The following PLPP1 variants were observed in gnomAD, a reference collection of about 807,000 sequenced individuals.
PLPP1 encodes the protein lipid phosphate phosphohydrolase 1a.
PLPP1 carries 24 observed loss-of-function variants against 31.2 expected under a neutral mutation model. The observed-to-expected ratio is 0.77, with a 90% CI of 0.56 to 1.08. The LOEUF (loss-of-function observed/expected upper bound fraction) is 1.08, where lower values mean the gene tolerates loss of function less well. PLPP1 is among the 50% of genes least tolerant of loss of function. The probability of loss-of-function intolerance (pLI) is 0.00; values close to 1 mark genes in which losing one functional copy is unlikely to be tolerated. For missense variants in PLPP1, 319 were observed against 342.7 expected (o/e 0.93, Z 0.55); for synonymous variants, 146 against 126.3 (o/e 1.16, Z -1.05).
intron 1 of PLPP1, among the ~76,000 whole-genome samples, chr5:55,527,464 A>G (rs1383625643): frequency 6.6e-6 from 1 of 152,218 alleles, no homozygotes; most frequent in East Asian, 1.9e-4. Flanking sequence ...CCCTCCCAAG[A>G]AAGCCAAGAT....
At chr5:55,482,165 C>T (rs1438007912) in intron 1 of PLPP1, among the ~76,000 whole-genome samples, 1 of 148,174 alleles carries the variant, frequency 6.7e-6, no homozygotes, top group Admixed American at 6.8e-5. Context: ...ATACATATCT[C>T]ATACATATAT....
At chr5:55,530,431 G>T in intron 1 of PLPP1, 1 of 1,258,824 alleles carries the variant, frequency 7.9e-7, no homozygotes, top group Non-Finnish European at 1.2e-6. Context: ...TTATAAGTAG[G>T]ATGACCAGAA....
intron 4 of PLPP1, among the ~76,000 whole-genome samples, chr5:55,427,574 G>C (rs1184608875): frequency 6.6e-6 from 1 of 152,102 alleles, no homozygotes; most frequent in Non-Finnish European, 1.5e-5. Context: ...TCAGAGCTAG[G>C]ACTCCAAGGT....
chr5:55,468,130 A>G lies in PLPP1; in HGVS notation c.230T>C (p.Leu77Pro), dbSNP rs1752344235. 1 of 1,599,468 alleles carries G rather than the reference A, an allele frequency of 6.3e-7. No homozygotes were observed. The highest frequency in any genetic ancestry group is 8.5e-7 in the Non-Finnish European group (1 of 1,171,824). ...SIIVIILGET[L>P]SVYCNLLHSN... ...GTGCAAAAGGTTACAGTAAACAGAC[A>G]GGGTTTCTCCAAGAATAATCTGAAA... is the stretch of plus-strand genomic sequence containing the variant. The change falls in exon 3 of 6, where the codon CTG becomes CCG. Residue 77 changes from leucine to proline, a missense_variant. Coordinates refer to ENST00000307259, the MANE Select transcript of PLPP1 (RefSeq NM_003711.4).
intron 2 of PLPP1, among the ~76,000 whole-genome samples, chr5:55,474,006 T>G (rs201428308): frequency 2.5e-5 from 2 of 78,972 alleles, no homozygotes; most frequent in East Asian, 3.1e-4. Context: ...TGTTTTTTTT[T>G]TTTTTTTCCA....
At chr5:55,468,447 C>T (rs939489641) in intron 2 of PLPP1, among the ~76,000 whole-genome samples, 2 of 151,432 alleles carry the variant, frequency 1.3e-5, no homozygotes, top group Non-Finnish European at 2.9e-5. Flanking sequence ...TTCAAATAAA[C>T]AGAGCTTTAA....
chr5:55,449,789 A>G (rs1411449144), intron 3 of PLPP1, among the ~76,000 whole-genome samples: 2 of 152,176 alleles, frequency 1.3e-5, no homozygotes, highest in Admixed American at 6.6e-5. Flanking sequence ...AATGCAGCTA[A>G]TAAATATACT....
chr5:55,534,676 G>T lies in PLPP1; in HGVS notation c.-47C>A. 6.6e-7 allele frequency: 1 copy of T among 1,507,898 alleles called. No homozygotes were observed. Among genetic ancestry groups the T allele is most frequent in the East Asian group, 2.8e-5 (1 of 36,158 alleles). The allele number at this position is 1,507,898 out of a possible 1,614,324, so 93.4% of individuals were successfully genotyped here. A position where few individuals can be genotyped will look rare whatever the true frequency, so the allele number is the denominator to read the frequency against. On this transcript the variant is annotated 5_prime_UTR_variant, in exon 1 of 6. Transcript: ENST00000307259. ...GCAAGGGCGATGGACTGAGCTGCGG[G>T]ACGGCGGCCGAGGCCCTTGATTCTC...
chr5:55,474,510 C>T (rs1327231644), intron 2 of PLPP1, among the ~76,000 whole-genome samples: 3 of 152,074 alleles, frequency 2.0e-5, no homozygotes, highest in Admixed American at 6.5e-5. Flanking sequence ...CCTGAAATAC[C>T]GGAAAACAAC....
chr5:55,482,009 TTTTTA>T lies in PLPP1; in HGVS notation c.59-6564_59-6560del, dbSNP rs551087501. 1.3e-3 allele frequency among the ~76,000 whole-genome samples: 199 copies of T among 148,448 alleles called. 2 individuals carry two copies. The Middle Eastern group carries it at 0.025, about 19-fold the overall frequency. On this transcript the variant is annotated intron_variant, in intron 1 of 5. Coordinates refer to ENST00000307259, the MANE Select transcript of PLPP1 (RefSeq NM_003711.4). The stretch of plus-strand genomic sequence containing the variant: ...ATACATATATATATTTTTATTTTTA[TTTTTA>T]TAAGATCTATAAATATATATTTATT...
chr5:55,425,808 ACTT>A, intron 5 of PLPP1, 52 bp downstream of exon 5: 2 of 1,396,814 alleles, frequency 1.4e-6, no homozygotes, highest in Non-Finnish European at 1.9e-6. Flanking sequence ...TTTTCTATTT[ACTT>A]ATATAAATGT....
intron 1 of PLPP1, among the ~76,000 whole-genome samples, chr5:55,490,519 TTTG>T (rs1398082904): frequency 6.6e-6 from 1 of 152,108 alleles, no homozygotes; most frequent in Non-Finnish European, 1.5e-5. Context: ...TTCTGCTGAG[TTTG>T]TTTTCTCAAA....
At chr5:55,473,387 G>T (rs1470612892) in intron 2 of PLPP1, among the ~76,000 whole-genome samples, 1 of 152,122 alleles carries the variant, frequency 6.6e-6, no homozygotes, top group Non-Finnish European at 1.5e-5. Context: ...GGATGAACAA[G>T]ATATCATCTC....
In PLPP1 at chr5:55,468,008, T is replaced by A. The variant is rs199937515; in HGVS notation, c.352A>T (p.Ile118Phe). Residue 118 changes from isoleucine to phenylalanine, a missense_variant, in exon 3 of 6, where the codon ATT becomes TTT. By Grantham distance (21) the Ile-to-Phe change is conservative. Transcript: ENST00000307259. ...AGTCTGCCTATTGAATACTTGGCAA[T>A]GTCAGTCAGGGACTGACTAGCAGCT... ...GAAASQSLTDIAKYSIGRLRP... is the reference protein window; with the variant it reads ...GAAASQSLTDFAKYSIGRLRP... 6.2e-7 allele frequency: 1 copy of A among 1,614,188 alleles called. No homozygotes were observed. Among genetic ancestry groups the A allele is most frequent in the Admixed American group, 1.7e-5 (1 of 60,028 alleles).
intron 1 of PLPP1, among the ~76,000 whole-genome samples, chr5:55,521,625 C>T (rs946456285): frequency 6.6e-6 from 1 of 152,204 alleles, no homozygotes; most frequent in Non-Finnish European, 1.5e-5. Flanking sequence ...CTCACTCATT[C>T]TTAGTAATCT....
At chr5:55,465,313 G>A (rs1379987411) in intron 3 of PLPP1, among the ~76,000 whole-genome samples, 1 of 152,200 alleles carries the variant, frequency 6.6e-6, no homozygotes, top group Non-Finnish European at 1.5e-5. Context: ...CCAAAGTGCT[G>A]AGATTGCAGG....
At chr5:55,473,472 C>T (rs976094232) in intron 2 of PLPP1, among the ~76,000 whole-genome samples, 48 of 152,108 alleles carry the variant, frequency 3.2e-4, no homozygotes, top group African/African-American at 1.1e-3. Flanking sequence ...TTATGCACCA[C>T]AAATTACAAG....
At chr5:55,444,952 G>C (rs1751724863) in intron 3 of PLPP1, among the ~76,000 whole-genome samples, 1 of 152,002 alleles carries the variant, frequency 6.6e-6, no homozygotes, top group Non-Finnish European at 1.5e-5. Flanking sequence ...GTTTCGCCCT[G>C]TTGGCCAGGC....
intron 1 of PLPP1, chr5:55,491,121 G>A: frequency 1.2e-6 from 2 of 1,606,338 alleles, no homozygotes; most frequent in Non-Finnish European, 1.7e-6. Context: ...GAAGCTGTTG[G>A]GGAAGGGAAA....
Sources: gnomAD v4.1 joint callset for allele counts (sites outside exome capture counted in the v4.1 genomes callset) on GRCh38, gnomAD v4.1.1 for gene constraint, MANE v1.5 for transcripts, NCBI Gene and HGNC (gene_info 2026-07-23, HGNC 2026-07-21) for gene names.